Variants in GCN1 observed in about 807,000 individuals in gnomAD.
GCN1 encodes the protein stalled ribosome sensor GCN1.
A neutral mutation model predicts 288.4 loss-of-function variants in GCN1; 90 were observed. The observed-to-expected ratio is 0.31, with a 90% CI of 0.26 to 0.37. GCN1 has a LOEUF of 0.37. Ranked by LOEUF, GCN1 falls within the 10% of genes least tolerant of loss-of-function variation. The pLI, the probability that GCN1 is intolerant of heterozygous loss-of-function variation, is 1.00. For synonymous variants in GCN1, 1,386 were observed against 1,420.2 expected, an observed-to-expected ratio of 0.98 and a Z score of 0.54; for missense variants, 2,586 against 3,419.9, an observed-to-expected ratio of 0.76 and a Z score of 6.08.
At chr12:120,176,319 T>A (rs1471405287) in intron 9 of GCN1, 102 bp from the exon 10 acceptor site, 2 of 750,226 alleles carry the variant, frequency 2.7e-6, no homozygotes, top group East Asian at 2.5e-5. Flanking sequence ...GCCTGCTGTC[T>A]GGCCCTTCAT....
chr12:120,130,490 T>A (rs979507574), intron 56 of GCN1, among the ~76,000 whole-genome samples, 156 bp downstream of exon 56: 2 of 152,138 alleles, frequency 1.3e-5, no homozygotes, highest in African/African-American at 4.8e-5. Context: ...AGAAACCCCC[T>A]ACATTCCATC....
chr12:120,170,181 C>G lies in GCN1; in HGVS notation c.1507G>C (p.Asp503His), dbSNP rs758642782. The change falls in exon 15 of 58, where the codon GAC becomes CAC. Residue 503 changes from aspartate (D) to histidine (H), a missense_variant. By Grantham distance (81) the Asp-to-His change is moderately conservative. Around this residue, in one of 8 missense-constraint regions of GCN1, gnomAD observed 913 missense variants for 1,107.0 expected, o/e 0.82. Transcript: ENST00000300648. The part of the protein sequence containing the change: ...ALLLLKLSVA[D>H]SQAEAKLSSF... ...TCTGGACTCATACCAGCCTGTGAGT[C>G]AGCCACTGACAACTTTAAGAGCAAC... 3 of 1,614,030 alleles carry G rather than the reference C, an allele frequency of 1.9e-6. No homozygotes were observed. The African/African-American group carries it at 4.0e-5, about 22-fold the overall frequency.
At chr12:120,194,308 T>C (rs1462625942) in intron 1 of GCN1, among the ~76,000 whole-genome samples, 1 of 152,244 alleles carries the variant, frequency 6.6e-6, no homozygotes, top group African/African-American at 2.4e-5. Flanking sequence ...AAAGAATATT[T>C]GCTGAATACA....
Position 120,158,127 on chromosome 12 carries a change from G to T in GCN1, c.2906-97C>A. 8.2e-7 allele frequency: 1 copy of T among 1,223,056 alleles called. No homozygotes were observed. Among genetic ancestry groups the T allele is most frequent in the Non-Finnish European group, 1.2e-6 (1 of 861,594 alleles). The allele number at this position is 1,223,056 out of a possible 1,614,324, so 75.8% of individuals were successfully genotyped here. On this transcript the variant is annotated intron_variant, in intron 25 of 57. Transcript: ENST00000300648. This position sits in a 1 kb window ranked among gnomAD's most constrained non-coding sequence, Gnocchi z 4.3. ...CCTCAGGGAAAGTAGGGAACGGATG[G>T]ACCAGAGGCCCGTTCTGACACCTGG... is the stretch of plus-strand genomic sequence containing the variant.
At position 120,164,485 on chromosome 12, in the gene GCN1, G is replaced by A; in HGVS notation, c.1699C>T (p.Arg567Trp). ...LTGNKVQQYHRALVAVLLSRT... is the reference protein window; with the variant it reads ...LTGNKVQQYHWALVAVLLSRT... ...CTCAGGAGCACCGCCACCAGAGCCC[G>A]GTGGTACTGCCTGCAAGCACAGGGA... Residue 567 changes from arginine to tryptophan, a missense_variant, in exon 18 of 58, where the codon CGG becomes TGG. By Grantham distance (101) the Arg-to-Trp change is moderately radical. Coordinates refer to ENST00000300648, the MANE Select transcript of GCN1 (RefSeq NM_006836.2). The A allele has an allele frequency of 6.2e-6, 10 of 1,613,924 alleles. No individual in the cohort carries two copies. Among genetic ancestry groups the A allele is most frequent in the Non-Finnish European group, 8.5e-6 (10 of 1,179,912 alleles).
At chr12:120,168,470 TC>T in intron 15 of GCN1, 170 bp from the exon 16 acceptor site, 1 of 578,358 alleles carries the variant, frequency 1.7e-6, no homozygotes, top group South Asian at 2.0e-5. Context: ...TGGTATCACC[TC>T]CTGTACGAAA....
chr12:120,164,603 G>A, intron 17 of GCN1, 43 bp downstream of exon 17: 1 of 1,595,144 alleles, frequency 6.3e-7, no homozygotes, highest in East Asian at 2.2e-5. Flanking sequence ...GCCAGCCTTT[G>A]CCTCATTTGG....
Position 120,173,685 on chromosome 12 carries a change from G to A in GCN1, c.1334C>T (p.Ala445Val). 3 of 1,612,128 alleles carry A rather than the reference G, an allele frequency of 1.9e-6. No homozygotes were observed. Among genetic ancestry groups the A allele is most frequent in the South Asian group, 1.1e-5 (1 of 91,032 alleles). ...LKTSTSAVRH[A>V]YLQCMLASYR... is the part of the protein sequence containing the mutation. Reference sequence around the variant, plus strand: ...AGAGGCCAACATGCACTGCAGGTAGGCATGCCTCACCGCAGATGTGGAGGT... The same window carrying A: ...AGAGGCCAACATGCACTGCAGGTAGACATGCCTCACCGCAGATGTGGAGGT... The change falls in exon 14 of 58, where the codon GCC becomes GTC. Residue 445 changes from alanine to valine, a missense_variant. This residue lies in a region of GCN1 where 913 missense variants were observed against 1,107.0 expected (regional missense o/e 0.82). Transcript: ENST00000300648.
intron 1 of GCN1, among the ~76,000 whole-genome samples, chr12:120,192,386 G>T (rs1879030807): frequency 3.9e-5 from 6 of 152,134 alleles, no homozygotes. Flanking sequence ...GTATGAAAAT[G>T]TTCTGGCCAA....
Position 120,148,197 on chromosome 12 carries a change from C to T in GCN1, c.4696G>A (p.Gly1566Ser), listed in dbSNP as rs762656483. The change falls in exon 37 of 58, where the codon GGC (glycine) becomes AGC (serine). Residue 1566 changes from glycine to serine, a missense_variant. By Grantham distance (56) the Gly-to-Ser change is moderately conservative (BLOSUM62 0). Coordinates refer to ENST00000300648, the MANE Select transcript of GCN1 (RefSeq NM_006836.2). ...ATCTCCGGGTTCCTGATAACGGAGC[C>T]GATCTGCCTGAGCGCCTGCTGTCCA... ...KAGQQALRQIGSVIRNPEILA... is the reference protein window; with the variant it reads ...KAGQQALRQISSVIRNPEILA... 8.1e-6 allele frequency: 13 copies of T among 1,613,540 alleles called. No individual in the cohort carries two copies. Among genetic ancestry groups the T allele is most frequent in the African/African-American group, 1.3e-5 (1 of 74,898 alleles).
At chr12:120,157,091 C>G in intron 26 of GCN1, 99 bp from the exon 27 acceptor site, 2 of 744,788 alleles carry the variant, frequency 2.7e-6, no homozygotes, top group Non-Finnish European at 4.8e-6. Flanking sequence ...GGGGAACATT[C>G]TGGATCATAC....
chr12:120,186,701 C>T (rs1878831657), intron 2 of GCN1, among the ~76,000 whole-genome samples: 1 of 152,212 alleles, frequency 6.6e-6, no homozygotes, highest in Admixed American at 6.5e-5. Flanking sequence ...GGGCCAGAAA[C>T]AGGTTGTGGC....
chr12:120,193,091 G>A (rs564331844), intron 1 of GCN1, among the ~76,000 whole-genome samples: 2 of 152,174 alleles, frequency 1.3e-5, no homozygotes, highest in South Asian at 2.1e-4. Context: ...GGTGGCTCAC[G>A]CCTGTAATCC....
intron 33 of GCN1, among the ~76,000 whole-genome samples, chr12:120,152,700 A>G (rs1877607481): frequency 6.8e-6 from 1 of 146,994 alleles, no homozygotes; most frequent in Non-Finnish European, 1.5e-5. Flanking sequence ...ATATATACAT[A>G]CATGCGTGTT....
chr12:120,170,673 T>A (rs1878286237), intron 14 of GCN1, among the ~76,000 whole-genome samples: 1 of 151,742 alleles, frequency 6.6e-6, no homozygotes, highest in African/African-American at 2.4e-5. Context: ...CTGGGCGTGG[T>A]CCAGTTATTC....
chr12:120,162,801 G>A, intron 20 of GCN1, 46 bp downstream of exon 20: 1 of 1,600,902 alleles, frequency 6.2e-7, no homozygotes. Context: ...GTGATGAGAG[G>A]GCCCCCTCCC....
At chr12:120,159,685 C>T in intron 24 of GCN1, 140 bp downstream of exon 24, 2 of 710,888 alleles carry the variant, frequency 2.8e-6, no homozygotes, top group Admixed American at 4.4e-5. Context: ...GCTTGAGTCT[C>T]CAAGGCTGCT....
At position 120,150,029 on chromosome 12, in the gene GCN1, A is replaced by G. The variant is rs1214979494; in HGVS notation, c.4324T>C (p.Phe1442Leu). The change falls in exon 35 of 58, where the codon TTC becomes CTC. Residue 1442 changes from phenylalanine to leucine, a missense_variant. Coordinates refer to ENST00000300648, the MANE Select transcript of GCN1 (RefSeq NM_006836.2). ...CCCAGCATGGTGCAGAGCATCTCGA[A>G]GGCAAAGAGGGCTCCTAGGGGAAAA... ...FRRREGALFA[F>L]EMLCTMLGKL... 6.2e-7 allele frequency: 1 copy of G among 1,614,072 alleles called. No homozygotes were observed. Among genetic ancestry groups the G allele is most frequent in the Admixed American group, 1.7e-5 (1 of 60,012 alleles).
At chr12:120,162,800 G>C in intron 20 of GCN1, 47 bp downstream of exon 20, 1 of 1,600,554 alleles carries the variant, frequency 6.2e-7, no homozygotes, top group Non-Finnish European at 8.5e-7. Context: ...TGTGATGAGA[G>C]GGCCCCCTCC....
Sources: gnomAD v4.1 joint callset for allele counts (sites outside exome capture counted in the v4.1 genomes callset) on GRCh38, gnomAD v4.1.1 for gene constraint, gnomAD v4.1.1 regional missense constraint, Gnocchi (gnomAD v3.1) non-coding constraint, MANE v1.5 for transcripts, NCBI Gene and HGNC (gene_info 2026-07-23, HGNC 2026-07-21) for gene names.